Variants in BEND3 observed in about 807,000 individuals in gnomAD.
The protein encoded by BEND3 is BEN domain containing 3, also known as BEN domain-containing protein 3.
A neutral mutation model predicts 60.1 loss-of-function variants in BEND3; 13 were observed. The observed-to-expected ratio is 0.22, with a 90% CI of 0.14 to 0.34. BEND3 has a LOEUF of 0.34. Among genes scored for constraint, BEND3 ranks in the 10% least tolerant of loss-of-function variants. The probability of loss-of-function intolerance (pLI) is 1.00; values close to 1 mark genes in which losing one functional copy is unlikely to be tolerated. For synonymous variants in BEND3, 497 were observed against 491.5 expected (o/e 1.01, Z -0.15); for missense variants, 896 against 1,138.1 (o/e 0.79, Z 3.06).
In BEND3 at chr6:107,068,515, A is replaced by C. The variant is rs1261928412; in HGVS notation, c.*189T>G. The C allele has an allele frequency of 1.5e-6, 1 of 660,754 alleles. No individual in the cohort carries two copies. The highest frequency in any genetic ancestry group is 1.8e-5 in the African/African-American group (1 of 54,800). 40.9% of individuals were successfully genotyped at this position (660,754 alleles called of 1,614,324 possible). A position where few individuals can be genotyped will look rare whatever the true frequency, so the allele number is the denominator to read the frequency against. ...AGGACAGAAGTTGTAAGTACAAGAG[A>C]CCAAACTCAAGGCTTCTTTCTTGCG... is the stretch of plus-strand genomic sequence containing the variant. On this transcript the variant is annotated 3_prime_UTR_variant, in exon 4 of 4. Coordinates refer to ENST00000369042, the MANE Select transcript of BEND3 (RefSeq NM_001367314.1). The surrounding 1 kb of genome is among the most constrained non-coding windows in gnomAD (Gnocchi z 5.8).
chr6:107,079,764 T>G (rs1480995236), intron 3 of BEND3, among the ~76,000 whole-genome samples: 2 of 152,218 alleles, frequency 1.3e-5, no homozygotes, highest in Non-Finnish European at 2.9e-5. Context: ...CCTTTTAACT[T>G]ACATGCCTGA....
intron 3 of BEND3, among the ~76,000 whole-genome samples, chr6:107,078,543 C>T (rs1554233037): frequency 1.4e-4 from 3 of 21,004 alleles, no homozygotes; most frequent in Non-Finnish European, 2.0e-4. Context: ...CAAGCTCTGC[C>T]TCCTGGGTTC....
At chr6:107,113,474 C>CA (rs1414186637) in intron 1 of BEND3, among the ~76,000 whole-genome samples, 1 of 148,138 alleles carries the variant, frequency 6.8e-6, no homozygotes, top group Non-Finnish European at 1.5e-5. Context: ...ACTCATGTTC[C>CA]ATGACAGGAG....
intron 1 of BEND3, among the ~76,000 whole-genome samples, chr6:107,111,781 A>G (rs1464832417): frequency 2.0e-5 from 3 of 152,256 alleles, no homozygotes; most frequent in African/African-American, 7.2e-5. Flanking sequence ...CAGGAGTTCA[A>G]GACCAACCTG....
At chr6:107,108,417 G>A (rs536608746) in intron 1 of BEND3, among the ~76,000 whole-genome samples, 1 of 152,328 alleles carries the variant, frequency 6.6e-6, no homozygotes, top group South Asian at 2.1e-4. Context: ...TGAGGCTCAA[G>A]GTGGAAGGAG....
rs151292676 is a variant in BEND3 at position 107,090,557 on chromosome 6, T to C, written c.240+7994A>G. Among the ~76,000 whole-genome samples, 104 of 152,320 alleles carry C rather than the reference T, an allele frequency of 6.8e-4. 1 individual carries two copies. Among genetic ancestry groups the C allele is most frequent in the African/African-American group, 2.4e-3 (101 of 41,582 alleles). ...GTTCAAAATAATAATAGCAACAATG[T>C]AGTCAACTATATATGCTTGTGTGTG... is the stretch of plus-strand genomic sequence containing the variant. On this transcript the variant is annotated intron_variant, in intron 3 of 3. Transcript: ENST00000369042.
At chr6:107,081,812 C>T (rs1330202478) in intron 3 of BEND3, among the ~76,000 whole-genome samples, 2 of 152,142 alleles carry the variant, frequency 1.3e-5, no homozygotes, top group South Asian at 2.1e-4. Flanking sequence ...GAGAATATAC[C>T]CTTTCCTTTG....
intron 1 of BEND3, among the ~76,000 whole-genome samples, chr6:107,109,705 C>T (rs1157021802): frequency 6.6e-6 from 1 of 152,068 alleles, no homozygotes; most frequent in Non-Finnish European, 1.5e-5. Context: ...GAAACCGCGT[C>T]TCTACTAAAA....
chr6:107,115,050 GCCGCCGCCGCGCGGCCGGCTTGAT>G lies in BEND3; in HGVS notation c.-12+16_-12+39del, dbSNP rs1554239096. On this transcript the variant is annotated intron_variant, in intron 1 of 3. Coordinates refer to ENST00000369042, the MANE Select transcript of BEND3 (RefSeq NM_001367314.1). ...CGCTCGCCCCGGAGCCGCCAACGCT[GCCGCCGCCGCGCGGCCGGCTTGAT>G]CCGCCCCGCACTTACCTGGGACGCG... 1 of 148,650 alleles carries G rather than the reference GCCGCCGCCGCGCGGCCGGCTTGAT, an allele frequency of 6.7e-6. No individual in the cohort carries two copies. Among genetic ancestry groups the G allele is most frequent in the Non-Finnish European group, 1.5e-5 (1 of 66,816 alleles). The allele number at this position is 148,650 out of a possible 1,614,324, so 9.2% of individuals were successfully genotyped here. A position where few individuals can be genotyped will look rare whatever the true frequency, so the allele number is the denominator to read the frequency against.
intron 3 of BEND3, among the ~76,000 whole-genome samples, chr6:107,090,858 C>A (rs782416364): frequency 3.3e-5 from 5 of 152,000 alleles, no homozygotes; most frequent in Non-Finnish European, 7.4e-5. Context: ...TGCCTGTAAT[C>A]CCAGCACTTT....
Position 107,068,720 on chromosome 6 carries a change from T to C in BEND3, c.2471A>G (p.Lys824Arg). Residue 824 changes from lysine (K) to arginine (R), a missense_variant, in exon 4 of 4, where the codon AAG (lysine) becomes AGG (arginine). Lys to Arg is a conservative substitution (Grantham distance 26, BLOSUM62 2). Coordinates refer to ENST00000369042, the MANE Select transcript of BEND3 (RefSeq NM_001367314.1). This position sits in a 1 kb window ranked among gnomAD's most constrained non-coding sequence, Gnocchi z 5.8. The stretch of plus-strand genomic sequence containing the variant: ...CACGGGCCTTCACTTCTCCACTTTC[T>C]TTGCTTTCTTGAGGATGTCGCATTT... The part of the protein sequence containing the change: ...RKKCDILKKA[K>R]KVEK 1 of 1,613,472 alleles carries C rather than the reference T, an allele frequency of 6.2e-7. No homozygotes were observed. The highest frequency in any genetic ancestry group is 8.5e-7 in the Non-Finnish European group (1 of 1,179,888).
rs782452164 is a variant in BEND3 at position 107,070,408 on chromosome 6, C to T, written c.783G>A (p.Leu261=). 14 of 1,613,980 alleles carry T rather than the reference C, an allele frequency of 8.7e-6. No individual in the cohort carries two copies. Among genetic ancestry groups the T allele is most frequent in the Non-Finnish European group, 1.2e-5 (14 of 1,180,026 alleles). The change falls in exon 4 of 4, where the codon CTG becomes CTA. Residue 261 remains leucine, a synonymous_variant. Transcript: ENST00000369042. The surrounding 1 kb of genome is among the most constrained non-coding windows in gnomAD (Gnocchi z 6.9). ...AGCGGCAGGCCAGGTCCCCCCCTGA[C>T]AGGCTCTGGTCCACGATCTGCTTGA... ...AELKQIVDQS[L]SGGDLACRLL... is the part of the protein sequence containing the mutation.
intron 3 of BEND3, among the ~76,000 whole-genome samples, chr6:107,092,952 A>G (rs1357693307): frequency 5.3e-5 from 8 of 152,212 alleles, no homozygotes; most frequent in Non-Finnish European, 7.3e-5. Flanking sequence ...TATATGAGGG[A>G]AAGTACAAAA....
At chr6:107,091,254 A>G (rs187892534) in intron 3 of BEND3, among the ~76,000 whole-genome samples, 3 of 152,330 alleles carry the variant, frequency 2.0e-5, no homozygotes, top group Non-Finnish European at 4.4e-5. Context: ...ACCTGAGAAA[A>G]CCAGAAAAGC....
intron 3 of BEND3, 107 bp from the exon 4 acceptor site, chr6:107,071,057 T>C: frequency 9.6e-7 from 1 of 1,044,318 alleles, no homozygotes; most frequent in Non-Finnish European, 1.4e-6. Flanking sequence ...CTTGGGAGCA[T>C]GTAAGAAACT....
In BEND3 at chr6:107,070,682, A is replaced by G; in HGVS notation, c.509T>C (p.Leu170Pro). 6.2e-7 allele frequency: 1 copy of G among 1,613,026 alleles called. No individual in the cohort carries two copies. The highest frequency in any genetic ancestry group is 8.5e-7 in the Non-Finnish European group (1 of 1,180,006). Residue 170 changes from leucine to proline, a missense_variant, in exon 4 of 4, where the codon CTC becomes CCC. Physicochemically the swap from Leu to Pro is moderately conservative, Grantham distance 98. Transcript: ENST00000369042. This position sits in a 1 kb window ranked among gnomAD's most constrained non-coding sequence, Gnocchi z 6.9. ...NASNSPSSLR[L>P]LNEPQKRDCG... Reference sequence around the variant, plus strand: ...GTCCCGCTTCTGTGGCTCATTCAGGAGCCGCAGTGACGAGGGGCTGTTGCT... The same window carrying G: ...GTCCCGCTTCTGTGGCTCATTCAGGGGCCGCAGTGACGAGGGGCTGTTGCT...
At chr6:107,111,789 C>A (rs1437082299) in intron 1 of BEND3, among the ~76,000 whole-genome samples, 1 of 151,986 alleles carries the variant, frequency 6.6e-6, no homozygotes, top group Non-Finnish European at 1.5e-5. Context: ...CAAGACCAAC[C>A]TGGCCAATAA....
intron 3 of BEND3, among the ~76,000 whole-genome samples, chr6:107,090,041 T>C (rs1775441764): frequency 6.6e-6 from 1 of 152,004 alleles, no homozygotes; most frequent in African/African-American, 2.4e-5. Context: ...GGAATCACAT[T>C]ACCTGATTTT....
intron 3 of BEND3, among the ~76,000 whole-genome samples, chr6:107,074,033 A>G (rs1775046884): frequency 6.6e-6 from 1 of 152,224 alleles, no homozygotes; most frequent in African/African-American, 2.4e-5. Flanking sequence ...AGGGTAAATC[A>G]TGCTACCTGT....
Sources: gnomAD v4.1 joint callset for allele counts (sites outside exome capture counted in the v4.1 genomes callset) on GRCh38, gnomAD v4.1.1 for gene constraint, Gnocchi (gnomAD v3.1) non-coding constraint, MANE v1.5 for transcripts, NCBI Gene and HGNC (gene_info 2026-07-23, HGNC 2026-07-21) for gene names.